The following THSD7B variants were observed in gnomAD, a reference collection of about 807,000 sequenced individuals.
THSD7B encodes the protein thrombospondin type-1 domain-containing protein 7B.
Under a neutral mutation model 213.6 loss-of-function variants are expected in THSD7B, and 138 were observed. The ratio of observed to expected loss-of-function variants is 0.65; its 90% CI spans 0.56 to 0.74. The LOEUF (loss-of-function observed/expected upper bound fraction) is 0.74. Ranked by LOEUF, THSD7B falls within the 30% of genes least tolerant of loss-of-function variation. THSD7B has a pLI of 0.00. For synonymous variants in THSD7B, 742 were observed against 687.0 expected, an observed-to-expected ratio of 1.08 and a Z score of -1.25; for missense variants, 1,931 against 1,991.5, an observed-to-expected ratio of 0.97 and a Z score of 0.58.
intron 2 of THSD7B, among the ~76,000 whole-genome samples, chr2:136,916,800 G>A (rs1335399042): frequency 6.6e-6 from 1 of 152,168 alleles, no homozygotes; most frequent in Non-Finnish European, 1.5e-5. Flanking sequence ...AGGTAGTGAT[G>A]GAGGAGGCAG....
intron 5 of THSD7B, among the ~76,000 whole-genome samples, chr2:137,128,228 C>G (rs1331811132): frequency 6.6e-6 from 1 of 152,020 alleles, no homozygotes; most frequent in Non-Finnish European, 1.5e-5. Flanking sequence ...GCTTACAACA[C>G]CACTCGTCAT....
At chr2:137,087,153 T>C (rs572603045) in intron 3 of THSD7B, among the ~76,000 whole-genome samples, 1 of 152,244 alleles carries the variant, frequency 6.6e-6, no homozygotes, top group Admixed American at 6.5e-5. Context: ...CAGAGCAATA[T>C]GTATAACAAA....
chr2:137,014,073 C>T (rs568233546), intron 2 of THSD7B, among the ~76,000 whole-genome samples: 38 of 152,274 alleles, frequency 2.5e-4, no homozygotes, highest in Non-Finnish European at 4.0e-4. Flanking sequence ...GGTGGTGTGT[C>T]ATCATGCCCA....
intron 2 of THSD7B, among the ~76,000 whole-genome samples, chr2:136,927,245 C>T (rs1381300384): frequency 3.3e-5 from 5 of 149,526 alleles, no homozygotes; most frequent in Non-Finnish European, 5.9e-5. Context: ...CCCGTTTTTC[C>T]CTTATCTCTA....
intron 12 of THSD7B, among the ~76,000 whole-genome samples, chr2:137,309,348 G>T (rs184272667): frequency 6.3e-4 from 96 of 151,652 alleles, no homozygotes; most frequent in African/African-American, 2.2e-3. Flanking sequence ...TAGTGTAAAA[G>T]ACATAGTTGG....
rs751640190 is a variant in THSD7B, at chr2:137,094,991, C to A, written c.1069C>A (p.Leu357Ile). 9 of 1,613,706 alleles carry A rather than the reference C, an allele frequency of 5.6e-6. No homozygotes were observed. The highest frequency in any genetic ancestry group is 7.6e-6 in the Non-Finnish European group (9 of 1,179,876). Residue 357 changes from leucine to isoleucine, a missense_variant, in exon 4 of 28, where the codon CTC becomes ATC. Coordinates refer to ENST00000409968, the MANE Select transcript of THSD7B (RefSeq NM_001316349.2). ...CTCCAAGACATGCCGTTCAGGGAGT[C>A]TCTTGCCAGGATTTAGGAGCAGGAG... ...PCSKTCRSGSLLPGFRSRSRN... is the reference protein window; with the variant it reads ...PCSKTCRSGSILPGFRSRSRN...
chr2:137,291,153 T>C (rs548969042), intron 12 of THSD7B, among the ~76,000 whole-genome samples: 1 of 152,248 alleles, frequency 6.6e-6, no homozygotes, highest in South Asian at 2.1e-4. Flanking sequence ...GCTCATCAGC[T>C]CTTGCTTTCT....
At chr2:136,946,074 T>C (rs550846257) in intron 2 of THSD7B, among the ~76,000 whole-genome samples, 5 of 152,364 alleles carry the variant, frequency 3.3e-5, no homozygotes, top group African/African-American at 9.6e-5. Context: ...TTTTCTGCTC[T>C]GGTTTCTCTC....
rs114516539 is a variant in THSD7B, at chr2:137,664,506, T to C, written c.4651+931T>C. ...CCTGTAGGGCTCAGTAATCGACTCTTACTAAGTGCAGGAATGGACATTTAT... is the reference window on the plus strand; with the variant it reads ...CCTGTAGGGCTCAGTAATCGACTCTCACTAAGTGCAGGAATGGACATTTAT... On this transcript the variant is annotated intron_variant, in intron 26 of 27. Transcript: ENST00000409968. Among the ~76,000 whole-genome samples, 1,247 of 152,278 alleles carry C rather than the reference T, an allele frequency of 8.2e-3. 6 individuals carry two copies. Among genetic ancestry groups the C allele is most frequent in the Non-Finnish European group, 0.011 (738 of 68,022 alleles).
intron 3 of THSD7B, among the ~76,000 whole-genome samples, chr2:137,063,183 T>G (rs1220680900): frequency 2.0e-5 from 3 of 147,504 alleles, no homozygotes; most frequent in African/African-American, 7.8e-5. Flanking sequence ...AAAAAGTGTA[T>G]TCATCTGTCT....
intron 15 of THSD7B, among the ~76,000 whole-genome samples, chr2:137,458,526 T>A (rs1687815802): frequency 6.6e-6 from 1 of 152,198 alleles, no homozygotes; most frequent in Non-Finnish European, 1.5e-5. Context: ...GCTCTGCTTT[T>A]GTCTTGCAGC....
Position 137,024,965 on chromosome 2 carries a change from C to T in THSD7B, c.140-31455C>T, listed in dbSNP as rs183063260. ...GAGGGGCCCACCACTGTCTCATTCC[C>T]GGAGTCCTGCAGCGGCCTCCTGTCT... On this transcript the variant is annotated intron_variant, in intron 2 of 27. Coordinates refer to ENST00000409968, the MANE Select transcript of THSD7B (RefSeq NM_001316349.2). Among the ~76,000 whole-genome samples the T allele has an allele frequency of 7.2e-4, 109 of 152,258 alleles. 1 individual carries two copies. The highest frequency in any genetic ancestry group is 2.2e-3 in the African/African-American group (90 of 41,558).
chr2:137,334,170 TTCTCTCTCTC>T (rs139280559), intron 12 of THSD7B, among the ~76,000 whole-genome samples: 4,717 of 148,908 alleles, frequency 0.032, 98 homozygotes, highest in African/African-American at 0.034. Context: ...CTTTCTCTCT[TTCTCTCTCTC>T]TCTCTCTCTC....
chr2:137,425,689 A>G (rs79717727), intron 14 of THSD7B, among the ~76,000 whole-genome samples: 12,816 of 152,174 alleles, frequency 0.084, 1,148 homozygotes, highest in African/African-American at 0.22. Flanking sequence ...TAAAAAAGTC[A>G]ACACAATAAA....
intron 1 of THSD7B, among the ~76,000 whole-genome samples, chr2:136,816,997 T>G (rs1033103142): frequency 6.6e-5 from 10 of 152,232 alleles, no homozygotes; most frequent in Non-Finnish European, 1.5e-4. Flanking sequence ...CCATTTGCAT[T>G]TAGGCAACAG....
Position 137,048,904 on chromosome 2 carries a change from G to A in THSD7B, c.140-7516G>A, listed in dbSNP as rs553747920. On this transcript the variant is annotated intron_variant, in intron 2 of 27. Transcript: ENST00000409968. ...AAGTCAATACCTAGGCTTTCTGTAA[G>A]CTCAAGGAGAAAGTCCTTCAGGAGA... Among the ~76,000 whole-genome samples, 7 of 152,272 alleles carry A rather than the reference G, an allele frequency of 4.6e-5. No homozygotes were observed. In the South Asian group the frequency reaches 1.5e-3, roughly 32 times the overall value.
At chr2:136,923,007 G>A (rs1256965979) in intron 2 of THSD7B, among the ~76,000 whole-genome samples, 1 of 152,146 alleles carries the variant, frequency 6.6e-6, no homozygotes, top group Non-Finnish European at 1.5e-5. Context: ...ATTTTTAAGT[G>A]TACAGTTCAG....
chr2:137,548,294 GC>G (rs1409242505), intron 15 of THSD7B, among the ~76,000 whole-genome samples: 3 of 151,944 alleles, frequency 2.0e-5, no homozygotes, highest in Non-Finnish European at 4.4e-5. Context: ...CCAAAAAGTA[GC>G]AGTGATGTTT....
chr2:137,646,215 G>A (rs1247802132), intron 21 of THSD7B, among the ~76,000 whole-genome samples: 4 of 152,178 alleles, frequency 2.6e-5, no homozygotes, highest in Admixed American at 6.5e-5. Context: ...ATTGGAAGGT[G>A]ATAAGGGCAC....
Sources: allele counts gnomAD v4.1 joint callset (sites outside exome capture counted in the v4.1 genomes callset), GRCh38; gene constraint gnomAD v4.1.1; transcripts MANE v1.5; gene names NCBI Gene and HGNC (gene_info 2026-07-23, HGNC 2026-07-21).